The following PLD5 variants were observed in gnomAD, a reference collection of about 807,000 sequenced individuals.
PLD5 encodes the protein phospholipase D family member 5.
In PLD5, 36 loss-of-function variants were observed where a neutral mutation model predicts 61.1. The observed-to-expected ratio is 0.59, with a 90% CI of 0.45 to 0.78. The LOEUF (loss-of-function observed/expected upper bound fraction) is 0.78, where lower values mean the gene tolerates loss of function less well. Ranked by LOEUF, PLD5 falls within the 30% of genes least tolerant of loss-of-function variation. PLD5 has a pLI of 0.00. For missense variants in PLD5, 515 were observed against 644.4 expected (o/e 0.80, Z 2.17); for synonymous variants, 243 against 242.8 (o/e 1.00, Z -0.01).
At chr1:242,498,654 T>C (rs1668453117) in intron 1 of PLD5, among the ~76,000 whole-genome samples, 1 of 152,222 alleles carries the variant, frequency 6.6e-6, no homozygotes, top group African/African-American at 2.4e-5. Context: ...TGCTGTAATG[T>C]CACCCTCTTA....
intron 5 of PLD5, among the ~76,000 whole-genome samples, chr1:242,162,543 T>G (rs896073963): frequency 6.6e-6 from 1 of 152,142 alleles, no homozygotes; most frequent in African/African-American, 2.4e-5. Context: ...TTTAGCTATT[T>G]TATTTTCTCA....
chr1:242,224,349 C>CT (rs60403298), intron 4 of PLD5, among the ~76,000 whole-genome samples: 36 of 151,658 alleles, frequency 2.4e-4, no homozygotes, highest in East Asian at 5.8e-4. Flanking sequence ...AATTTTAGGC[C>CT]TTTTTTTTAC....
At chr1:242,439,805 C>T (rs1241588612) in intron 1 of PLD5, among the ~76,000 whole-genome samples, 1 of 152,070 alleles carries the variant, frequency 6.6e-6, no homozygotes, top group African/African-American at 2.4e-5. Context: ...GTCACACCTG[C>T]AATAAGTGCT....
chr1:242,112,657 C>A (rs1241842793), intron 7 of PLD5, among the ~76,000 whole-genome samples: 1 of 152,048 alleles, frequency 6.6e-6, no homozygotes, highest in South Asian at 2.1e-4. Flanking sequence ...AAAGAAGCTA[C>A]CTACTATGCA....
At chr1:242,451,918 C>G (rs1011939051) in intron 1 of PLD5, among the ~76,000 whole-genome samples, 1 of 152,168 alleles carries the variant, frequency 6.6e-6, no homozygotes, top group East Asian at 1.9e-4. Flanking sequence ...CTTGCAGTAT[C>G]CTCAAGTCAC....
intron 1 of PLD5, among the ~76,000 whole-genome samples, chr1:242,364,974 G>GAA (rs35043995): frequency 2.0e-5 from 3 of 149,194 alleles, no homozygotes; most frequent in Non-Finnish European, 4.4e-5. Context: ...TACAGATAAG[G>GAA]AAAAAAAAAA....
intron 1 of PLD5, among the ~76,000 whole-genome samples, chr1:242,466,750 C>T (rs377599516): frequency 3.6e-3 from 549 of 151,956 alleles, no homozygotes; most frequent in Non-Finnish European, 6.1e-3. Context: ...AAAATTAGCC[C>T]GACACAATGG....
At chr1:242,273,959 A>G (rs1674261632) in intron 3 of PLD5, among the ~76,000 whole-genome samples, 1 of 152,084 alleles carries the variant, frequency 6.6e-6, no homozygotes. Flanking sequence ...ACCCTCTGAC[A>G]CCTTGGTTTT....
the PLD5 span, among the ~76,000 whole-genome samples, chr1:242,529,829 C>CCTT: frequency 1.2e-5 from 1 of 84,712 alleles, no homozygotes; most frequent in Admixed American, 1.1e-4. Flanking sequence ...CTTCCTTCTT[C>CCTT]TTCTCTCCCT....
At chr1:242,452,822 CT>C (rs1302331669) in intron 1 of PLD5, among the ~76,000 whole-genome samples, 3 of 152,136 alleles carry the variant, frequency 2.0e-5, no homozygotes, top group Non-Finnish European at 4.4e-5. Flanking sequence ...CCCCCCACCC[CT>C]GATGTGGACA....
chr1:242,153,433 T>A (rs1665099429), intron 5 of PLD5, among the ~76,000 whole-genome samples: 1 of 151,636 alleles, frequency 6.6e-6, no homozygotes, highest in South Asian at 2.1e-4. Context: ...CCCATGCCTA[T>A]GTCCTGAATG....
intron 8 of PLD5, among the ~76,000 whole-genome samples, chr1:242,103,662 G>A (rs1043337421): frequency 1.3e-5 from 2 of 152,088 alleles, no homozygotes; most frequent in Admixed American, 6.5e-5. Flanking sequence ...TCTGATACTG[G>A]GCACCTGACT....
Position 242,256,743 on chromosome 1 carries a change from C to CTAT in PLD5, c.607+8591_607+8593dup, listed in dbSNP as rs1673041363. Among the ~76,000 whole-genome samples the CTAT allele has an allele frequency of 1.4e-5, 2 of 141,904 alleles. No homozygotes were observed. Among genetic ancestry groups the CTAT allele is most frequent in the South Asian group, 4.7e-4 (2 of 4,252 alleles). 93.1% of individuals were successfully genotyped at this position (141,904 alleles called of 152,430 possible). Reference sequence around the variant, plus strand: ...TTACAGCAGCACAAATGAACTAAGACTATCATCTATCTATCTATCTATCTA... The same window carrying CTAT: ...TTACAGCAGCACAAATGAACTAAGACTATTATCATCTATCTATCTATCTATCTA... On this transcript the variant is annotated intron_variant, in intron 4 of 9. Transcript: ENST00000536534. This position sits in a 1 kb window ranked among gnomAD's most constrained non-coding sequence, Gnocchi z 5.7.
rs182173187 is a variant in PLD5 at position 242,139,501 on chromosome 1, A to G, written c.736-14836T>C. ...CCTGTGCTTAGCTGCAGCTTGTTCAATGGGCATCGGGGGTGATCTCAGTGG... is the reference window on the plus strand; with the variant it reads ...CCTGTGCTTAGCTGCAGCTTGTTCAGTGGGCATCGGGGGTGATCTCAGTGG... On this transcript the variant is annotated intron_variant, in intron 5 of 9. Coordinates refer to ENST00000536534, the MANE Select transcript of PLD5 (RefSeq NM_001372062.1). Among the ~76,000 whole-genome samples, 231 of 151,894 alleles carry G rather than the reference A, an allele frequency of 1.5e-3. 1 individual carries two copies. Among genetic ancestry groups the G allele is most frequent in the African/African-American group, 5.1e-3 (211 of 41,422 alleles).
Position 242,256,616 on chromosome 1 carries a change from C to G in PLD5, c.607+8721G>C, listed in dbSNP as rs1172546999. 2.0e-5 allele frequency among the ~76,000 whole-genome samples: 3 copies of G among 152,196 alleles called. No homozygotes were observed. Among genetic ancestry groups the G allele is most frequent in the East Asian group, 3.9e-4 (2 of 5,188 alleles). On this transcript the variant is annotated intron_variant, in intron 4 of 9. Transcript: ENST00000536534. This position sits in a 1 kb window ranked among gnomAD's most constrained non-coding sequence, Gnocchi z 5.7. ...CATCTTGGAAGCACAGAGCAGCTCTCAGCAGACACTGAACCTGCTGGTGCC... is the reference window on the plus strand; with the variant it reads ...CATCTTGGAAGCACAGAGCAGCTCTGAGCAGACACTGAACCTGCTGGTGCC...
rs199937060 is a variant in PLD5, at chr1:242,231,937, AG to A, written c.608-11823del. ...AGTAAAAGGGATCTCTTTTAAAATA[AG>A]GAAAAAAAAAAAAAGAAAGAAAAAG... is the stretch of plus-strand genomic sequence containing the variant. On this transcript the variant is annotated intron_variant, in intron 4 of 9. Coordinates refer to ENST00000536534, the MANE Select transcript of PLD5 (RefSeq NM_001372062.1). 4.1e-3 allele frequency among the ~76,000 whole-genome samples: 620 copies of A among 150,568 alleles called. 7 individuals are homozygous for A. The highest frequency in any genetic ancestry group is 0.015 in the African/African-American group (604 of 40,782).
intron 3 of PLD5, among the ~76,000 whole-genome samples, chr1:242,274,020 T>C (rs1674265525): frequency 6.6e-6 from 1 of 152,148 alleles, no homozygotes. Flanking sequence ...TGTAAGAAAA[T>C]AAATTTCTGT....
At chr1:242,286,587 C>A (rs191726547) in intron 3 of PLD5, among the ~76,000 whole-genome samples, 52 of 152,274 alleles carry the variant, frequency 3.4e-4, no homozygotes, top group Non-Finnish European at 6.2e-4. Flanking sequence ...AGTGACTCCC[C>A]TAGAAATTGA....
intron 1 of PLD5, among the ~76,000 whole-genome samples, chr1:242,487,829 C>G (rs1029273364): frequency 1.1e-4 from 17 of 151,790 alleles, no homozygotes; most frequent in African/African-American, 3.9e-4. Context: ...TTATAATTCT[C>G]TATGTATTTA....
Sources: gnomAD v4.1 joint callset for allele counts (sites outside exome capture counted in the v4.1 genomes callset) on GRCh38, gnomAD v4.1.1 for gene constraint, Gnocchi (gnomAD v3.1) non-coding constraint, MANE v1.5 for transcripts, NCBI Gene and HGNC (gene_info 2026-07-23, HGNC 2026-07-21) for gene names.